The following OCA2 variants were observed in gnomAD, a reference collection of about 807,000 sequenced individuals.
OCA2 encodes OCA2 melanosomal transmembrane protein.
OCA2 carries 77 observed loss-of-function variants against 100.2 expected under a neutral mutation model. The ratio of observed to expected loss-of-function variants is 0.77; its 90% confidence interval spans 0.64 to 0.93. OCA2 has a LOEUF of 0.93. Among genes scored for constraint, OCA2 ranks in the 40% least tolerant of loss-of-function variants. The probability of loss-of-function intolerance (pLI) is 0.00; values close to 1 mark genes in which losing one functional copy is unlikely to be tolerated. For missense variants in OCA2, 1,062 were observed against 1,089.1 expected, an observed-to-expected ratio of 0.98 and a Z score of 0.35; for synonymous variants, 432 against 439.2, an observed-to-expected ratio of 0.98 and a Z score of 0.21.
chr15:28,029,536 G>A (rs2042853773), intron 3 of OCA2, among the ~76,000 whole-genome samples: 2 of 152,182 alleles, frequency 1.3e-5, no homozygotes, highest in Non-Finnish European at 1.5e-5. Flanking sequence ...CAATATGGCA[G>A]CCACATGTGC....
At chr15:27,757,304 C>T (rs1298889969) in intron 23 of OCA2, among the ~76,000 whole-genome samples, 1 of 152,226 alleles carries the variant, frequency 6.6e-6, no homozygotes, top group Non-Finnish European at 1.5e-5. Flanking sequence ...CAATGGCAAC[C>T]TGCCATTAGT....
At chr15:28,065,954 T>G (rs184655035) in intron 2 of OCA2, among the ~76,000 whole-genome samples, 1 of 152,334 alleles carries the variant, frequency 6.6e-6, no homozygotes, top group Admixed American at 6.5e-5. Context: ...AGTTTTTGTA[T>G]GTTGATTTAT....
Position 27,871,123 on chromosome 15 carries a change from TGAGCCGTCGACATG to T in OCA2, c.2244+17_2244+30del, listed in dbSNP as rs748823817. 6.5e-7 allele frequency: 1 copy of T among 1,533,598 alleles called. No individual in the cohort carries two copies. The highest frequency in any genetic ancestry group is 2.2e-5 in the East Asian group (1 of 44,500). The allele number at this position is 1,533,598 out of a possible 1,614,324, so 95.0% of individuals were successfully genotyped here. On this transcript the variant is annotated intron_variant, in intron 21 of 23. Transcript: ENST00000354638. ...CCCCAGGCTATGTCCAGGCTAAAGT[TGAGCCGTCGACATG>T]GACATGTGCAACTCACCATGGTAGC... is the stretch of plus-strand genomic sequence containing the variant.
chr15:27,902,339 T>C (rs569982740), intron 19 of OCA2, among the ~76,000 whole-genome samples: 2 of 152,330 alleles, frequency 1.3e-5, no homozygotes, highest in East Asian at 3.9e-4. Flanking sequence ...TATCAACGAT[T>C]TGATTTACTC....
In OCA2 at chr15:27,934,547, C is replaced by G. The variant is rs142606698; in HGVS notation, c.1952-8293G>C. On this transcript the variant is annotated intron_variant, in intron 18 of 23. Transcript: ENST00000354638. Reference sequence around the variant, plus strand: ...TTCTCCTGGGTAAAGCTTTTTGACCCCAGAAATGGCATCCCTTGTTTTCTC... The same window carrying G: ...TTCTCCTGGGTAAAGCTTTTTGACCGCAGAAATGGCATCCCTTGTTTTCTC... Among the ~76,000 whole-genome samples the G allele has an allele frequency of 5.5e-3, 836 of 152,224 alleles. 34 individuals are homozygous for G. The highest frequency in any genetic ancestry group is 0.049 in the Admixed American group (756 of 15,292).
chr15:28,039,547 C>T (rs913425384), intron 2 of OCA2, among the ~76,000 whole-genome samples: 2 of 152,146 alleles, frequency 1.3e-5, no homozygotes, highest in East Asian at 3.8e-4. Flanking sequence ...TTAACCAATC[C>T]ATCAAAGGAG....
At chr15:27,792,254 T>G (rs2033120158) in intron 23 of OCA2, among the ~76,000 whole-genome samples, 1 of 152,184 alleles carries the variant, frequency 6.6e-6, no homozygotes, top group African/African-American at 2.4e-5. Flanking sequence ...TTCCTTCCTG[T>G]GTGCCTTCTT....
At chr15:27,745,523 A>G in the OCA2 span, among the ~76,000 whole-genome samples, 5 of 152,198 alleles carry the variant, frequency 3.3e-5, no homozygotes, top group African/African-American at 1.2e-4. Context: ...AATGCAGACC[A>G]GCAAGTCCCA....
intron 9 of OCA2, among the ~76,000 whole-genome samples, chr15:28,004,724 G>A (rs2141144008): frequency 6.6e-6 from 1 of 151,740 alleles, no homozygotes; most frequent in South Asian, 2.1e-4. Context: ...ACACAACAGA[G>A]TCACACTCTC....
intron 19 of OCA2, among the ~76,000 whole-genome samples, chr15:27,889,095 G>A (rs138951012): frequency 0.029 from 4,348 of 152,284 alleles, 80 homozygotes; most frequent in Non-Finnish European, 0.042. Flanking sequence ...CACATGAAGA[G>A]AAGTTAGAGG....
At chr15:27,741,047 G>A in the OCA2 span, among the ~76,000 whole-genome samples, 4 of 152,224 alleles carry the variant, frequency 2.6e-5, no homozygotes, top group Non-Finnish European at 2.9e-5. Context: ...CAGGGTGAGT[G>A]AGCAGCAAGG....
At chr15:27,995,037 C>T (rs768921759) in intron 9 of OCA2, among the ~76,000 whole-genome samples, 28 of 152,186 alleles carry the variant, frequency 1.8e-4, no homozygotes, top group Admixed American at 9.8e-4. Context: ...TACCCACCCT[C>T]TTCCACTGAT....
At chr15:27,858,288 C>A (rs2036012244) in intron 21 of OCA2, among the ~76,000 whole-genome samples, 1 of 151,220 alleles carries the variant, frequency 6.6e-6, no homozygotes, top group African/African-American at 2.4e-5. Flanking sequence ...GCAGAAGAAT[C>A]ACTTGAACCT....
the OCA2 span, among the ~76,000 whole-genome samples, chr15:27,742,414 C>T: frequency 6.6e-6 from 1 of 152,142 alleles, no homozygotes; most frequent in East Asian, 1.9e-4. Flanking sequence ...CCCAGACCAA[C>T]TGTGCATAGG....
chr15:27,924,207 A>C (rs1351401714), intron 19 of OCA2, among the ~76,000 whole-genome samples: 2 of 152,068 alleles, frequency 1.3e-5, no homozygotes, highest in African/African-American at 4.8e-5. Flanking sequence ...GTTCTGTTCC[A>C]TTGGTCTATG....
At chr15:27,739,591 G>A in the OCA2 span, among the ~76,000 whole-genome samples, 2 of 151,658 alleles carry the variant, frequency 1.3e-5, no homozygotes, top group Admixed American at 6.6e-5. Flanking sequence ...AACTACAGGC[G>A]CCCACCACCA....
intron 23 of OCA2, among the ~76,000 whole-genome samples, chr15:27,838,115 G>A (rs574117695): frequency 9.2e-5 from 14 of 152,198 alleles, no homozygotes; most frequent in African/African-American, 2.6e-4. Flanking sequence ...CAAGCCACAT[G>A]TAAACCAGGA....
chr15:27,959,384 G>A (rs369136351), intron 15 of OCA2, among the ~76,000 whole-genome samples: 1 of 152,008 alleles, frequency 6.6e-6, no homozygotes, highest in Non-Finnish European at 1.5e-5. Flanking sequence ...GGAAGTGAAG[G>A]AAAAAACTAA....
At chr15:27,757,955 G>T (rs892125595) in intron 23 of OCA2, among the ~76,000 whole-genome samples, 1 of 152,208 alleles carries the variant, frequency 6.6e-6, no homozygotes, top group African/African-American at 2.4e-5. Flanking sequence ...TCGGAGAAGA[G>T]AATTTTACTC....
Sources: allele counts gnomAD v4.1 joint callset (sites outside exome capture counted in the v4.1 genomes callset), GRCh38; gene constraint gnomAD v4.1.1; transcripts MANE v1.5; gene names NCBI Gene and HGNC (gene_info 2026-07-23, HGNC 2026-07-21).